Variants in ABCA10 observed in about 807,000 individuals in gnomAD.
ABCA10 encodes ATP-binding cassette sub-family A member 10.
Under a neutral mutation model 187.5 loss-of-function variants are expected in ABCA10, and 169 were observed. The observed-to-expected ratio is 0.90, with a 90% CI of 0.80 to 1.02. The LOEUF (loss-of-function observed/expected upper bound fraction) is 1.02. ABCA10 is among the 50% of genes least tolerant of loss of function. The probability of loss-of-function intolerance (pLI) is 0.00; values close to 1 mark genes in which losing one functional copy is unlikely to be tolerated. For synonymous variants in ABCA10, 574 were observed against 601.8 expected (o/e 0.95, Z 0.68); for missense variants, 1,727 against 1,812.4 (o/e 0.95, Z 0.86).
rs888333870 is a variant in ABCA10, at chr17:69,193,981, T to C, written c.1354A>G (p.Thr452Ala). 6.3e-6 allele frequency: 10 copies of C among 1,591,648 alleles called. No homozygotes were observed. Among genetic ancestry groups the C allele is most frequent in the Non-Finnish European group, 7.7e-6 (9 of 1,168,152 alleles). ...GLSVSTEGSA[T>A]IYNTQLSEIT... The stretch of plus-strand genomic sequence containing the variant: ...TCAGAGAGTTGAGTATTATAAATAG[T>C]GGCTGATCCTATAAATAGAAATTTA... Residue 452 changes from threonine (T) to alanine (A), a missense_variant, in exon 13 of 39, where the codon ACT (threonine) becomes GCT (alanine). Physicochemically the swap from Thr to Ala is moderately conservative, Grantham distance 58. Transcript: ENST00000690296.
chr17:69,228,300 T>C (rs1402035780), intron 1 of ABCA10, among the ~76,000 whole-genome samples: 1 of 151,948 alleles, frequency 6.6e-6, no homozygotes, highest in Non-Finnish European at 1.5e-5. Flanking sequence ...ATACAAATTC[T>C]CAAAAGGATA....
intron 20 of ABCA10, 66 bp from the exon 21 acceptor site, chr17:69,182,874 T>C: frequency 6.6e-7 from 1 of 1,516,698 alleles, no homozygotes. Flanking sequence ...AGTCAAAGCT[T>C]AAAATAATAA....
Position 69,216,000 on chromosome 17 carries a change from T to C in ABCA10, c.673A>G (p.Ile225Val). 1 of 1,609,216 alleles carries C rather than the reference T, an allele frequency of 6.2e-7. No homozygotes were observed. Among genetic ancestry groups the C allele is most frequent in the Non-Finnish European group, 8.5e-7 (1 of 1,178,844 alleles). ...TLYSLYGLSL[I>V]ALAFLMSVLI... Reference sequence around the variant, plus strand: ...ACACTCATGAGGAAAGCCAATGCTATCTGAAGGAAGAAAGAGGTCTGATTG... The same window carrying C: ...ACACTCATGAGGAAAGCCAATGCTACCTGAAGGAAGAAAGAGGTCTGATTG... Residue 225 changes from isoleucine (I) to valine (V), a missense_variant and splice_region_variant, in exon 8 of 39, where the codon ATA (isoleucine) becomes GTA (valine). Transcript: ENST00000690296.
intron 22 of ABCA10, among the ~76,000 whole-genome samples, chr17:69,179,446 C>G (rs1406412439): frequency 1.3e-5 from 2 of 152,182 alleles, no homozygotes; most frequent in African/African-American, 4.8e-5. Flanking sequence ...ACCCATTCAG[C>G]TCTGTGCAGG....
At chr17:69,157,751 T>C (rs1382098863) in intron 27 of ABCA10, among the ~76,000 whole-genome samples, 2 of 151,974 alleles carry the variant, frequency 1.3e-5, no homozygotes, top group African/African-American at 4.8e-5. Flanking sequence ...TCAAAACAGT[T>C]GTCTCAACTG....
intron 9 of ABCA10, among the ~76,000 whole-genome samples, chr17:69,201,944 G>A (rs935585147): frequency 4.6e-5 from 7 of 152,162 alleles, no homozygotes; most frequent in Admixed American, 2.0e-4. Context: ...CACCACGCCC[G>A]GCTAACTTTT....
intron 1 of ABCA10, among the ~76,000 whole-genome samples, chr17:69,235,830 C>T (rs2074866302): frequency 6.6e-6 from 1 of 151,840 alleles, no homozygotes; most frequent in African/African-American, 2.4e-5. Context: ...GTTAGAGATG[C>T]AATACTTTTA....
intron 27 of ABCA10, among the ~76,000 whole-genome samples, chr17:69,160,285 A>G (rs539099316): frequency 6.6e-6 from 1 of 152,306 alleles, no homozygotes; most frequent in East Asian, 1.9e-4. Context: ...ACTCAATAAC[A>G]ACAAAAATTC....
chr17:69,219,751 T>C lies in ABCA10; in HGVS notation c.324A>G (p.Val108=), dbSNP rs755781311. Residue 108 remains valine (V), a synonymous_variant, in exon 6 of 39, where the codon GTA becomes GTG. Transcript: ENST00000690296. The part of the protein sequence containing the change: ...AIIEVTTNHS[V]MEELTSVIGI... ...CAATAACTGATGTCAACTCCTCCAT[T>C]ACAGAATGATTTGTTGTGACCTAAA... 1.3e-6 allele frequency: 2 copies of C among 1,597,504 alleles called. No individual in the cohort carries two copies. Among genetic ancestry groups the C allele is most frequent in the South Asian group, 2.3e-5 (2 of 86,248 alleles).
chr17:69,230,994 T>G (rs1011638095), upstream of ABCA10, among the ~76,000 whole-genome samples: 1 of 152,234 alleles, frequency 6.6e-6, no homozygotes, highest in African/African-American at 2.4e-5. Context: ...ATAAACTAGC[T>G]CATCTTCTTA....
intron 18 of ABCA10, among the ~76,000 whole-genome samples, chr17:69,189,190 A>G (rs1445640884): frequency 1.3e-5 from 2 of 152,174 alleles, no homozygotes; most frequent in East Asian, 3.9e-4. Flanking sequence ...CCTCATCAGC[A>G]TCTGTTATTT....
At position 69,164,107 on chromosome 17, in the gene ABCA10, T is replaced by C; in HGVS notation, c.3330A>G (p.Glu1110=). The C allele has an allele frequency of 1.3e-6, 2 of 1,590,558 alleles. No homozygotes were observed. Among genetic ancestry groups the C allele is most frequent in the Non-Finnish European group, 1.7e-6 (2 of 1,172,140 alleles). Residue 1110 remains glutamate (E), a synonymous_variant, in exon 27 of 39, where the codon GAA becomes GAG. Coordinates refer to ENST00000690296, the MANE Select transcript of ABCA10 (RefSeq NM_001377321.1). ...NLDSLDNRIN[E]VNKTILLTTL... ...TTGTTAAAAGAATGGTTTTATTGAC[T>C]TCATTTATTCTATTGTCCAGACTGT... is the stretch of plus-strand genomic sequence containing the variant.
intron 9 of ABCA10, among the ~76,000 whole-genome samples, chr17:69,212,061 T>A (rs557351590): frequency 7.2e-5 from 11 of 152,318 alleles, no homozygotes; most frequent in African/African-American, 2.6e-4. Context: ...CCTTGAGGTG[T>A]GACCTTAGAT....
In ABCA10 at chr17:69,193,832, T is replaced by C. The variant is rs16973751; in HGVS notation, c.1503A>G (p.Pro501=). Reference sequence around the variant, plus strand: ...CCTGTACCTCTTGTTCCACTTCCTTTGGCTGAATCCCTTTTATTTTAGCAA... The same window carrying C: ...CCTGTACCTCTTGTTCCACTTCCTTCGGCTGAATCCCTTTTATTTTAGCAA... The part of the protein sequence containing the change: ...RVFAKIKGIQ[P]KEVEQEVKRI... Residue 501 remains proline (P), a synonymous_variant, in exon 13 of 39, where the codon CCA becomes CCG. Transcript: ENST00000690296. The C allele has an allele frequency of 3.2e-3, 5,194 of 1,613,506 alleles. 158 individuals carry two copies. In the East Asian group the frequency reaches 0.056, roughly 17 times the overall value.
intron 9 of ABCA10, among the ~76,000 whole-genome samples, chr17:69,208,893 T>C (rs538136469): frequency 2.0e-5 from 3 of 152,124 alleles, no homozygotes; most frequent in Non-Finnish European, 4.4e-5. Context: ...TTTAAAAAAA[T>C]TAGTCTGGTG....
chr17:69,168,135 TTATTG>T (rs755633435), intron 25 of ABCA10, among the ~76,000 whole-genome samples: 4 of 152,270 alleles, frequency 2.6e-5, no homozygotes, highest in South Asian at 2.1e-4. Flanking sequence ...CTAGCTTACT[TTATTG>T]TGAGAATACA....
rs1213388208 is a variant in ABCA10, at chr17:69,216,434, G to A, written c.531-76C>T. 10 of 1,442,374 alleles carry A rather than the reference G, an allele frequency of 6.9e-6. No individual in the cohort carries two copies. The East Asian group carries it at 9.4e-5, about 14-fold the overall frequency. 89.3% of individuals were successfully genotyped at this position (1,442,374 alleles called of 1,614,324 possible). ...GAGAGGTAATGTGCGAAATGGTTAA[G>A]AGTAAAAGCTCTGAAATCAGGACTA... is the stretch of plus-strand genomic sequence containing the variant. On this transcript the variant is annotated intron_variant, in intron 6 of 38. Coordinates refer to ENST00000690296, the MANE Select transcript of ABCA10 (RefSeq NM_001377321.1).
chr17:69,161,477 T>A (rs2074217957), intron 27 of ABCA10, among the ~76,000 whole-genome samples: 1 of 152,188 alleles, frequency 6.6e-6, no homozygotes, highest in Non-Finnish European at 1.5e-5. Context: ...CCACCACAGG[T>A]CACTGACTAG....
At chr17:69,167,733 T>A (rs748164260) in intron 25 of ABCA10, among the ~76,000 whole-genome samples, 1 of 152,198 alleles carries the variant, frequency 6.6e-6, no homozygotes, top group Non-Finnish European at 1.5e-5. Context: ...GGATTCTGAT[T>A]ATTCAAGGCT....
Sources: gnomAD v4.1 joint callset for allele counts (sites outside exome capture counted in the v4.1 genomes callset) on GRCh38, gnomAD v4.1.1 for gene constraint, MANE v1.5 for transcripts, NCBI Gene and HGNC (gene_info 2026-07-23, HGNC 2026-07-21) for gene names.